GREB1L: variants seen among roughly 807,000 people sequenced by gnomAD.
GREB1L encodes GREB1-like protein.
Under a neutral mutation model 200.8 loss-of-function variants are expected in GREB1L, and 17 were observed. The ratio of observed to expected loss-of-function variants is 0.08; its 90% CI spans 0.06 to 0.13. The LOEUF is 0.13. GREB1L is among the 10% of genes least tolerant of loss of function. The pLI is 1.00. For synonymous variants in GREB1L, 789 were observed against 893.0 expected (o/e 0.88, Z 2.08); for missense variants, 1,657 against 2,367.7 (o/e 0.70, Z 6.23).
chr18:21,361,460 G>T (rs2039579025), intron 1 of GREB1L, among the ~76,000 whole-genome samples: 1 of 152,146 alleles, frequency 6.6e-6, no homozygotes, highest in African/African-American at 2.4e-5. Context: ...TTAAGGTGGA[G>T]ACTTGGGGGA....
At chr18:21,356,344 C>A (rs75613370) in intron 1 of GREB1L, among the ~76,000 whole-genome samples, 1 of 152,192 alleles carries the variant, frequency 6.6e-6, no homozygotes, top group African/African-American at 2.4e-5. Flanking sequence ...CCCAGTCCAG[C>A]CCCTGATAAC....
At chr18:21,404,061 A>G in intron 7 of GREB1L, 67 bp downstream of exon 7, 4 of 1,350,802 alleles carry the variant, frequency 3.0e-6, no homozygotes, top group Non-Finnish European at 4.1e-6. Flanking sequence ...TTTAAAATAT[A>G]TACTTACTGC....
intron 1 of GREB1L, among the ~76,000 whole-genome samples, chr18:21,301,295 T>C (rs752024132): frequency 1.2e-4 from 19 of 152,208 alleles, no homozygotes; most frequent in Non-Finnish European, 2.1e-4. Context: ...AGGCCATCCT[T>C]GGCTTTCCTT....
intron 1 of GREB1L, among the ~76,000 whole-genome samples, chr18:21,302,073 G>A (rs1395293032): frequency 1.3e-5 from 2 of 152,170 alleles, no homozygotes; most frequent in Non-Finnish European, 2.9e-5. Flanking sequence ...AACATTGATA[G>A]CCTTTTACTT....
intron 14 of GREB1L, 103 bp downstream of exon 14, chr18:21,452,320 A>G (rs1190202700): frequency 8.8e-7 from 1 of 1,132,238 alleles, no homozygotes; most frequent in African/African-American, 1.6e-5. Flanking sequence ...GTCACAGACC[A>G]CAACAGCCTT....
Position 21,508,455 on chromosome 18 carries a change from C to T in GREB1L, c.4599C>T (p.Asn1533=). Residue 1533 remains asparagine, a synonymous_variant, in exon 27 of 33, where the codon AAC becomes AAT. Transcript: ENST00000424526. ...GTCGACATGAGCACGGACTCCTAAA[C>T]CTTTTCCACGCCATGGAGGGCATCA... ...SSGRHEHGLL[N]LFHAMEGISH... is the part of the protein sequence containing the mutation. 1.9e-6 allele frequency: 3 copies of T among 1,551,688 alleles called. No homozygotes were observed. The highest frequency in any genetic ancestry group is 1.7e-4 in the Middle Eastern group (1 of 5,992).
In GREB1L at chr18:21,515,430, G is replaced by A. The variant is rs957746819; in HGVS notation, c.4915G>A (p.Val1639Ile). ...VQEPSSQPMEVGVSSKNVSLK... is the reference protein window; with the variant it reads ...VQEPSSQPMEIGVSSKNVSLK... ...TATATTTCATAGCCAGCCCATGGAAGTAGGAGTTTCCAGTAAGAATGTGTC... is the reference window on the plus strand; with the variant it reads ...TATATTTCATAGCCAGCCCATGGAAATAGGAGTTTCCAGTAAGAATGTGTC... Residue 1639 changes from valine (V) to isoleucine (I), a missense_variant, in exon 29 of 33, where the codon GTA becomes ATA. Val to Ile is a conservative substitution (Grantham distance 29). Coordinates refer to ENST00000424526, the MANE Select transcript of GREB1L (RefSeq NM_001142966.3). The A allele has an allele frequency of 3.2e-6, 5 of 1,549,792 alleles. No homozygotes were observed. Among genetic ancestry groups the A allele is most frequent in the Non-Finnish European group, 4.4e-6 (5 of 1,145,376 alleles).
chr18:21,455,896 CTTTTTTTTTTTT>C (rs775559267), intron 15 of GREB1L, among the ~76,000 whole-genome samples: 1 of 97,868 alleles, frequency 1.0e-5, no homozygotes, highest in Admixed American at 1.3e-4. Context: ...TCTGCATTTG[CTTTTTTTTTTTT>C]TTTTTTTTTT....
At chr18:21,337,913 G>A (rs2039211467) in intron 1 of GREB1L, among the ~76,000 whole-genome samples, 1 of 152,008 alleles carries the variant, frequency 6.6e-6, no homozygotes, top group South Asian at 2.1e-4. Flanking sequence ...CGTGAACCTG[G>A]GAGGCGGAGC....
chr18:21,506,252 G>A (rs749992182), intron 25 of GREB1L, among the ~76,000 whole-genome samples: 5 of 152,056 alleles, frequency 3.3e-5, no homozygotes, highest in African/African-American at 1.2e-4. Flanking sequence ...AAAATTAGCC[G>A]GGTGTGGTGG....
intron 1 of GREB1L, among the ~76,000 whole-genome samples, chr18:21,242,614 G>A (rs549293204): frequency 6.6e-6 from 1 of 152,252 alleles, no homozygotes; most frequent in East Asian, 1.9e-4. Context: ...GCCAACCTGG[G>A]AGCCGTGCCT....
intron 1 of GREB1L, among the ~76,000 whole-genome samples, chr18:21,313,765 A>G (rs1297795318): frequency 1.3e-5 from 2 of 152,222 alleles, no homozygotes; most frequent in Non-Finnish European, 2.9e-5. Flanking sequence ...CTCAAAAACA[A>G]AAAACAAAAA....
intron 20 of GREB1L, 95 bp downstream of exon 20, chr18:21,495,880 G>A: frequency 3.0e-6 from 2 of 664,080 alleles, no homozygotes; most frequent in Admixed American, 3.0e-5. Flanking sequence ...CCTTTGTTTG[G>A]CAGGTAATGA....
chr18:21,493,307 A>G (rs941311330), intron 19 of GREB1L, among the ~76,000 whole-genome samples: 1 of 152,218 alleles, frequency 6.6e-6, no homozygotes, highest in Non-Finnish European at 1.5e-5. Context: ...ACAAAGTTTA[A>G]GTCAGTTCCT....
At chr18:21,472,782 A>G (rs1313887844) in intron 15 of GREB1L, among the ~76,000 whole-genome samples, 1 of 152,088 alleles carries the variant, frequency 6.6e-6, no homozygotes, top group African/African-American at 2.4e-5. Flanking sequence ...CCTTTATCTC[A>G]TGTACCAGAA....
chr18:21,464,418 C>G (rs1391731150), intron 15 of GREB1L, among the ~76,000 whole-genome samples: 1 of 151,866 alleles, frequency 6.6e-6, no homozygotes, highest in Non-Finnish European at 1.5e-5. Context: ...GTGGCACATG[C>G]CTGTAATCCC....
intron 1 of GREB1L, among the ~76,000 whole-genome samples, chr18:21,253,755 T>G (rs2143994678): frequency 6.6e-6 from 1 of 152,208 alleles, no homozygotes; most frequent in East Asian, 1.9e-4. Flanking sequence ...TCTCTATGCA[T>G]TAATGATTTT....
intron 1 of GREB1L, among the ~76,000 whole-genome samples, chr18:21,263,246 A>T (rs530903232): frequency 6.6e-6 from 1 of 152,318 alleles, no homozygotes; most frequent in African/African-American, 2.4e-5. Context: ...CTTTGTGCTG[A>T]ATCAGCACGT....
intron 4 of GREB1L, among the ~76,000 whole-genome samples, chr18:21,392,133 A>G (rs6508383): frequency 0.33 from 49,530 of 152,174 alleles, 11,158 homozygotes; most frequent in African/African-American, 0.61. Context: ...TTATTCATAT[A>G]CTGTTTGATA....
Sources: gnomAD v4.1 joint callset for allele counts (sites outside exome capture counted in the v4.1 genomes callset) on GRCh38, gnomAD v4.1.1 for gene constraint, MANE v1.5 for transcripts, NCBI Gene and HGNC (gene_info 2026-07-23, HGNC 2026-07-21) for gene names.